The following PCDHGB5 variants were observed in gnomAD, a reference collection of about 807,000 sequenced individuals.
PCDHGB5 encodes the protein protocadherin gamma subfamily B, 5.
Under a neutral mutation model 62.9 loss-of-function variants are expected in PCDHGB5, and 48 were observed. That is an observed-to-expected ratio of 0.76 (90% CI 0.61 to 0.97). The LOEUF is 0.97. Among genes scored for constraint, PCDHGB5 ranks in the 50% least tolerant of loss-of-function variants. PCDHGB5 has a pLI of 0.00. For missense variants in PCDHGB5, 1,118 were observed against 1,198.6 expected, an observed-to-expected ratio of 0.93 and a Z score of 0.99; for synonymous variants, 474 against 511.2, an observed-to-expected ratio of 0.93 and a Z score of 0.98.
At chr5:141,443,874 A>G (rs2098409122) in intron 1 of PCDHGB5, among the ~76,000 whole-genome samples, 1 of 152,190 alleles carries the variant, frequency 6.6e-6, no homozygotes, top group Non-Finnish European at 1.5e-5. Flanking sequence ...AATTACTGAT[A>G]AGTCAAGAGA....
chr5:141,485,362 G>T lies in PCDHGB5; in HGVS notation c.2398-9445G>T. 6.2e-7 allele frequency: 1 copy of T among 1,614,144 alleles called. No individual in the cohort carries two copies. ...ATACGGACAGTCTGTCAGCTCGCAG[G>T]CTGCAGGTCGCTGGAGAGGTGAACC... is the stretch of plus-strand genomic sequence containing the variant. On this transcript the variant is annotated intron_variant, in intron 1 of 3. Coordinates refer to ENST00000617380, the MANE Select transcript of PCDHGB5 (RefSeq NM_018925.3). The surrounding 1 kb of genome is among the most constrained non-coding windows in gnomAD (Gnocchi z 5.7).
Position 141,490,885 on chromosome 5 carries a change from T to C in PCDHGB5, c.2398-3922T>C, listed in dbSNP as rs1317781676. The stretch of plus-strand genomic sequence containing the variant: ...CTCTCCCCCATTGCATGCCAACACA[T>C]CTCTGCATGTGTTTGTCCTAGACGA... On this transcript the variant is annotated intron_variant, in intron 1 of 3. Coordinates refer to ENST00000617380, the MANE Select transcript of PCDHGB5 (RefSeq NM_018925.3). This position sits in a 1 kb window ranked among gnomAD's most constrained non-coding sequence, Gnocchi z 5.4. The C allele has an allele frequency of 6.2e-7, 1 of 1,613,872 alleles. No individual in the cohort carries two copies. Among genetic ancestry groups the C allele is most frequent in the Non-Finnish European group, 8.5e-7 (1 of 1,179,904 alleles).
intron 1 of PCDHGB5, chr5:141,410,268 A>C: frequency 6.2e-7 from 1 of 1,613,994 alleles, no homozygotes. Context: ...GCTGAACTGC[A>C]GTTTTACCTG....
chr5:141,492,487 C>T (rs1031047955), intron 1 of PCDHGB5, among the ~76,000 whole-genome samples: 1 of 152,222 alleles, frequency 6.6e-6, no homozygotes, highest in Non-Finnish European at 1.5e-5. Context: ...CGCCCAGGAC[C>T]AGGCGAGGAC....
intron 1 of PCDHGB5, chr5:141,423,380 G>A: frequency 6.2e-7 from 1 of 1,614,178 alleles, no homozygotes; most frequent in Non-Finnish European, 8.5e-7. Context: ...CTCAGGCTGT[G>A]GCGCTGGCAT....
intron 1 of PCDHGB5, among the ~76,000 whole-genome samples, chr5:141,437,629 G>A (rs538730617): frequency 6.6e-6 from 1 of 152,284 alleles, no homozygotes; most frequent in Non-Finnish European, 1.5e-5. Flanking sequence ...CATATAAGAT[G>A]TCAGGTTCAG....
intron 1 of PCDHGB5, among the ~76,000 whole-genome samples, chr5:141,452,165 C>G (rs917431071): frequency 2.6e-5 from 4 of 152,120 alleles, no homozygotes; most frequent in African/African-American, 9.7e-5. Flanking sequence ...TATTCTATTA[C>G]TAACATTTTT....
At chr5:141,410,005 C>T (rs1009148964) in intron 1 of PCDHGB5, 16 of 1,613,172 alleles carry the variant, frequency 9.9e-6, no homozygotes, top group Non-Finnish European at 1.3e-5. Context: ...CGGGACACAA[C>T]GCCTGGCTGT....
At chr5:141,414,904 A>G in intron 1 of PCDHGB5, 2 of 1,614,190 alleles carry the variant, frequency 1.2e-6, no homozygotes, top group Non-Finnish European at 1.7e-6. Context: ...AGACGGTTCC[A>G]CAGGCGTGGA....
rs775963212 is a variant in PCDHGB5, at chr5:141,485,463, G to T, written c.2398-9344G>T. ...CCAATCGACCGAGAGGCACTGTGTG[G>T]GCTCAGTGCCAGCTGCATCGTGCCC... On this transcript the variant is annotated intron_variant, in intron 1 of 3. Coordinates refer to ENST00000617380, the MANE Select transcript of PCDHGB5 (RefSeq NM_018925.3). The surrounding 1 kb of genome is among the most constrained non-coding windows in gnomAD (Gnocchi z 5.7). The T allele has an allele frequency of 1.2e-6, 2 of 1,614,086 alleles. No individual in the cohort carries two copies. The highest frequency in any genetic ancestry group is 3.3e-5 in the Admixed American group (2 of 60,026).
chr5:141,485,134 C>T lies in PCDHGB5; in HGVS notation c.2398-9673C>T. The T allele has an allele frequency of 6.7e-7, 1 of 1,495,958 alleles. No homozygotes were observed. The highest frequency in any genetic ancestry group is 1.4e-5 in the African/African-American group (1 of 72,714). 92.7% of individuals were successfully genotyped at this position (1,495,958 alleles called of 1,614,324 possible). On this transcript the variant is annotated intron_variant, in intron 1 of 3. Transcript: ENST00000617380. The surrounding 1 kb of genome is among the most constrained non-coding windows in gnomAD (Gnocchi z 5.7). Reference sequence around the variant, plus strand: ...CTGTTTGGGGCGGGTCGGCTTCATCCGCGTCTCAGGAGCAAGTAGAGAATT... The same window carrying T: ...CTGTTTGGGGCGGGTCGGCTTCATCTGCGTCTCAGGAGCAAGTAGAGAATT...
chr5:141,455,859 TATTA>T (rs2098833777), intron 1 of PCDHGB5, among the ~76,000 whole-genome samples: 1 of 143,846 alleles, frequency 7.0e-6, no homozygotes, highest in African/African-American at 2.5e-5. Flanking sequence ...TAATTTCTTT[TATTA>T]TTTATTTATT....
intron 1 of PCDHGB5, among the ~76,000 whole-genome samples, chr5:141,439,190 C>CAAA (rs200519543): frequency 1.8e-5 from 2 of 111,760 alleles, no homozygotes; most frequent in African/African-American, 6.3e-5. Context: ...GAGACTCTGA[C>CAAA]AAAAAAAAAA....
chr5:141,475,105 G>C (rs1215386045), intron 1 of PCDHGB5, among the ~76,000 whole-genome samples: 1 of 152,156 alleles, frequency 6.6e-6, no homozygotes, highest in Non-Finnish European at 1.5e-5. Context: ...GATCCTAGGT[G>C]GTAAATAGGC....
chr5:141,460,995 A>ATG lies in PCDHGB5; in HGVS notation c.2398-33808_2398-33807dup, dbSNP rs1561986931. Among the ~76,000 whole-genome samples the ATG allele has an allele frequency of 5.3e-5, 8 of 150,188 alleles. No homozygotes were observed. The East Asian group carries it at 1.4e-3, about 26-fold the overall frequency. On this transcript the variant is annotated intron_variant, in intron 1 of 3. Transcript: ENST00000617380. ...TGTGTGTGTGTGTGTATATATATAT[A>ATG]TGTGTATATATATATACCACATTTT...
At position 141,493,223 on chromosome 5, in the gene PCDHGB5, A is replaced by G. The variant is rs2099747083; in HGVS notation, c.2398-1584A>G. Among the ~76,000 whole-genome samples, 1 of 152,142 alleles carries G rather than the reference A, an allele frequency of 6.6e-6. No homozygotes were observed. The highest frequency in any genetic ancestry group is 6.6e-5 in the Admixed American group (1 of 15,262). On this transcript the variant is annotated intron_variant, in intron 1 of 3. Transcript: ENST00000617380. The surrounding 1 kb of genome is among the most constrained non-coding windows in gnomAD (Gnocchi z 4.3). ...CCTCATCTCATTTGCTCTTCCCACC[A>G]TTGCTGTTGGCTAGGTACTAACATG...
Position 141,476,383 on chromosome 5 carries a change from C to G in PCDHGB5, c.2398-18424C>G, listed in dbSNP as rs547854431. ...GGGAGACCGGAGAGATGTTTGTGAACGACCGTCTGGATCGAGAGGAGCTGT... is the reference window on the plus strand; with the variant it reads ...GGGAGACCGGAGAGATGTTTGTGAAGGACCGTCTGGATCGAGAGGAGCTGT... On this transcript the variant is annotated intron_variant, in intron 1 of 3. Transcript: ENST00000617380. The surrounding 1 kb of genome is among the most constrained non-coding windows in gnomAD (Gnocchi z 7.6). 1.2e-6 allele frequency: 2 copies of G among 1,614,102 alleles called. No homozygotes were observed. Among genetic ancestry groups the G allele is most frequent in the Middle Eastern group, 3.3e-4 (2 of 6,062 alleles).
chr5:141,511,359 T>C lies in PCDHGB5; in HGVS notation c.*186T>C. The stretch of plus-strand genomic sequence containing the variant: ...CACCTACCCCTTCCCCCCCAGGGGG[T>C]TGAATATGCAAAAGCAGTTCCGCTG... On this transcript the variant is annotated 3_prime_UTR_variant, in exon 4 of 4. Coordinates refer to ENST00000617380, the MANE Select transcript of PCDHGB5 (RefSeq NM_018925.3). The C allele has an allele frequency of 2.2e-6, 3 of 1,339,338 alleles. No homozygotes were observed. In the South Asian group the frequency reaches 4.6e-5, roughly 20 times the overall value. The allele number at this position is 1,339,338 out of a possible 1,614,324, so 83.0% of individuals were successfully genotyped here. A position where few individuals can be genotyped will look rare whatever the true frequency, so the allele number is the denominator to read the frequency against.
At chr5:141,408,791 G>C (rs1260366830) in intron 1 of PCDHGB5, 1 of 1,612,540 alleles carries the variant, frequency 6.2e-7, no homozygotes, top group East Asian at 2.2e-5. Context: ...GTTATCTCTG[G>C]AGAAACTCCT....
Sources: gnomAD v4.1 joint callset for allele counts (sites outside exome capture counted in the v4.1 genomes callset) on GRCh38, gnomAD v4.1.1 for gene constraint, Gnocchi (gnomAD v3.1) non-coding constraint, MANE v1.5 for transcripts, NCBI Gene and HGNC (gene_info 2026-07-23, HGNC 2026-07-21) for gene names.